Variants in NOS1AP observed in about 807,000 individuals in gnomAD.
NOS1AP encodes nitric oxide synthase 1 adaptor protein, also known as carboxyl-terminal PDZ ligand of neuronal nitric oxide synthase protein.
In NOS1AP, 21 loss-of-function variants were observed where a neutral mutation model predicts 56.2. The observed-to-expected ratio is 0.37, with a 90% CI of 0.26 to 0.54. The LOEUF (loss-of-function observed/expected upper bound fraction) is 0.54. Among genes scored for constraint, NOS1AP ranks in the 20% least tolerant of loss-of-function variants. NOS1AP has a pLI of 0.84. For missense variants in NOS1AP, 522 were observed against 657.8 expected, an observed-to-expected ratio of 0.79 and a Z score of 2.26; for synonymous variants, 270 against 274.6, an observed-to-expected ratio of 0.98 and a Z score of 0.17.
intron 2 of NOS1AP, among the ~76,000 whole-genome samples, chr1:162,216,548 T>TA (rs1652573971): frequency 6.6e-6 from 1 of 152,220 alleles, no homozygotes. Flanking sequence ...CTATGTACTT[T>TA]AGGCAAGTCG....
intron 2 of NOS1AP, among the ~76,000 whole-genome samples, chr1:162,256,714 A>C (rs1654041948): frequency 6.6e-6 from 1 of 152,246 alleles, no homozygotes; most frequent in Non-Finnish European, 1.5e-5. Flanking sequence ...GCATATATGA[A>C]GTAACGGGGT....
chr1:162,342,748 G>T, intron 5 of NOS1AP: 1 of 376,076 alleles, frequency 2.7e-6, no homozygotes. Context: ...CCTGGGGTGG[G>T]TGGGAGGTGG....
rs539066023 is a variant in NOS1AP at position 162,238,083 on chromosome 1, G to A, written c.178-49261G>A. 6.6e-4 allele frequency among the ~76,000 whole-genome samples: 101 copies of A among 152,168 alleles called. 2 individuals carry two copies. The highest frequency in any genetic ancestry group is 4.5e-3 in the Admixed American group (68 of 15,276). On this transcript the variant is annotated intron_variant, in intron 2 of 9. Transcript: ENST00000361897. ...ATGCAAGCATGCTCTCTGCTTGACC[G>A]TGCTGTTGTTTTTAATGAGAGCATC...
intron 2 of NOS1AP, among the ~76,000 whole-genome samples, chr1:162,230,889 G>A (rs567752954): frequency 6.6e-6 from 1 of 152,250 alleles, no homozygotes; most frequent in South Asian, 2.1e-4. Context: ...ACATTCATAT[G>A]TCAATGGATT....
chr1:162,360,990 C>T (rs867590931), intron 8 of NOS1AP: 1 of 451,250 alleles, frequency 2.2e-6, no homozygotes, highest in African/African-American at 2.0e-5. Context: ...GGGTGGGTTT[C>T]AGAGTTTGGG....
intron 2 of NOS1AP, among the ~76,000 whole-genome samples, chr1:162,260,154 C>T (rs139264675): frequency 4.6e-5 from 7 of 151,838 alleles, no homozygotes; most frequent in African/African-American, 1.7e-4. Context: ...TAATGAGGGT[C>T]TGTTGTCAGA....
At chr1:162,156,719 T>G (rs1332893896) in intron 2 of NOS1AP, among the ~76,000 whole-genome samples, 1 of 152,244 alleles carries the variant, frequency 6.6e-6, no homozygotes, top group Non-Finnish European at 1.5e-5. Context: ...GCTACTTATG[T>G]GCCAGGTGCT....
chr1:162,163,684 G>A (rs960450643), intron 2 of NOS1AP, among the ~76,000 whole-genome samples: 15 of 152,076 alleles, frequency 9.9e-5, no homozygotes, highest in Non-Finnish European at 2.1e-4. Flanking sequence ...ACCATTCCTG[G>A]GGGGCAGGAA....
intron 2 of NOS1AP, among the ~76,000 whole-genome samples, chr1:162,248,708 C>T (rs1028769447): frequency 2.0e-5 from 3 of 152,110 alleles, no homozygotes; most frequent in African/African-American, 7.2e-5. Context: ...AGATGAGTGT[C>T]GGTCATTCTG....
chr1:162,353,081 C>T (rs1571239749), intron 6 of NOS1AP, among the ~76,000 whole-genome samples: 1 of 150,938 alleles, frequency 6.6e-6, no homozygotes. Context: ...TTTCTGCCCC[C>T]TGACGATCCT....
chr1:162,242,981 A>T (rs1183421032), intron 2 of NOS1AP, among the ~76,000 whole-genome samples: 1 of 142,782 alleles, frequency 7.0e-6, no homozygotes. Flanking sequence ...CCTCCCCTAT[A>T]TACGCATACC....
intron 1 of NOS1AP, among the ~76,000 whole-genome samples, chr1:162,136,725 G>A (rs1188471038): frequency 6.6e-6 from 1 of 152,166 alleles, no homozygotes; most frequent in Non-Finnish European, 1.5e-5. Context: ...ACAAGTTGGT[G>A]GAAGAACCAC....
intron 2 of NOS1AP, among the ~76,000 whole-genome samples, chr1:162,237,179 T>G (rs1012209628): frequency 6.6e-6 from 1 of 152,194 alleles, no homozygotes; most frequent in Non-Finnish European, 1.5e-5. Context: ...AAAGTCAAGA[T>G]CCCTCAGGTT....
At chr1:162,124,507 G>GTGTAC (rs77245896) in intron 1 of NOS1AP, among the ~76,000 whole-genome samples, 49 of 150,644 alleles carry the variant, frequency 3.3e-4, no homozygotes, top group Admixed American at 1.1e-3. Context: ...GTGTGTGTGT[G>GTGTAC]ACACACACAC....
chr1:162,333,490 A>G (rs1042464652), intron 5 of NOS1AP, among the ~76,000 whole-genome samples: 3 of 152,196 alleles, frequency 2.0e-5, no homozygotes, highest in African/African-American at 7.2e-5. Flanking sequence ...CAAAATATGA[A>G]TACACATGGA....
intron 2 of NOS1AP, among the ~76,000 whole-genome samples, chr1:162,187,078 C>T (rs1651459122): frequency 6.6e-6 from 1 of 152,002 alleles, no homozygotes; most frequent in Non-Finnish European, 1.5e-5. Context: ...GTGATCCTCC[C>T]ACCTCAGCCC....
At chr1:162,242,782 G>T (rs113605706) in intron 2 of NOS1AP, among the ~76,000 whole-genome samples, 2 of 152,154 alleles carry the variant, frequency 1.3e-5, no homozygotes, top group Non-Finnish European at 2.9e-5. Context: ...ACTAGAGATA[G>T]GGCTCAAATC....
Position 162,365,462 on chromosome 1 carries a change from C to T in NOS1AP, c.998C>T (p.Ala333Val), listed in dbSNP as rs758946866. Residue 333 changes from alanine (A) to valine (V), a missense_variant, in exon 9 of 10, where the codon GCT becomes GTT. Ala to Val is a moderately conservative substitution (Grantham distance 64). This residue lies in a region of NOS1AP where 52 missense variants were observed against 94.5 expected (regional missense o/e 0.55). Transcript: ENST00000361897. ...AEAAARLEAQ[A>V]RVHQLLLQNK... The stretch of plus-strand genomic sequence containing the variant: ...GCTGCGGCGCGGCTGGAGGCCCAGG[C>T]TCGCGTGCATCAGCTTTTGCTGCAG... The T allele has an allele frequency of 5.0e-6, 8 of 1,614,046 alleles. No homozygotes were observed. Among genetic ancestry groups the T allele is most frequent in the Non-Finnish European group, 5.9e-6 (7 of 1,180,042 alleles).
Position 162,355,175 on chromosome 1 carries a change from T to G in NOS1AP, c.596-12T>G. On this transcript the variant is annotated splice_polypyrimidine_tract_variant and intron_variant, in intron 6 of 9. Coordinates refer to ENST00000361897, the MANE Select transcript of NOS1AP (RefSeq NM_014697.3). The stretch of plus-strand genomic sequence containing the variant: ...TTCATTCTCTTCCCTCCCTCCCCTG[T>G]TGTTCCTGCAGGCCGCCAGCTCACT... 6.2e-7 allele frequency: 1 copy of G among 1,614,032 alleles called. No individual in the cohort carries two copies. The highest frequency in any genetic ancestry group is 1.1e-5 in the South Asian group (1 of 91,068).
Sources: gnomAD v4.1 joint callset for allele counts (sites outside exome capture counted in the v4.1 genomes callset) on GRCh38, gnomAD v4.1.1 for gene constraint, gnomAD v4.1.1 regional missense constraint, MANE v1.5 for transcripts, NCBI Gene and HGNC (gene_info 2026-07-23, HGNC 2026-07-21) for gene names.